The following SDK1 variants were observed in gnomAD, a reference collection of about 807,000 sequenced individuals.
The protein encoded by SDK1 is protein sidekick-1.
Under a neutral mutation model 245.5 loss-of-function variants are expected in SDK1, and 157 were observed. The ratio of observed to expected loss-of-function variants is 0.64; its 90% CI spans 0.56 to 0.73. SDK1 has a LOEUF of 0.73. Among genes scored for constraint, SDK1 ranks in the 30% least tolerant of loss-of-function variants. The pLI is 0.00. For synonymous variants in SDK1, 1,647 were observed against 1,278.5 expected (o/e 1.29, Z -6.15); for missense variants, 3,583 against 3,002.3 (o/e 1.19, Z -4.52).
chr7:4,069,854 C>T (rs1291563586), intron 20 of SDK1, among the ~76,000 whole-genome samples: 1 of 152,178 alleles, frequency 6.6e-6, no homozygotes, highest in Non-Finnish European at 1.5e-5. Flanking sequence ...CGAGGCCTGG[C>T]GATGACAAGG....
chr7:3,470,829 C>A (rs1020625203), intron 1 of SDK1, among the ~76,000 whole-genome samples: 3 of 152,148 alleles, frequency 2.0e-5, no homozygotes. Context: ...AAGCAAATAT[C>A]ATATAAATGC....
intron 1 of SDK1, among the ~76,000 whole-genome samples, chr7:3,311,543 C>G (rs1480392534): frequency 6.6e-6 from 1 of 152,030 alleles, no homozygotes. Context: ...CTTAAAATAC[C>G]TTGGGAATAT....
intron 44 of SDK1, 85 bp from the exon 45 acceptor site, chr7:4,265,039 G>C (rs1488510398): frequency 6.5e-7 from 1 of 1,533,076 alleles, no homozygotes; most frequent in East Asian, 2.4e-5. Context: ...CTGGGGAGGT[G>C]CCCCCACCGC....
intron 13 of SDK1, among the ~76,000 whole-genome samples, chr7:3,984,030 T>G (rs1783623978): frequency 6.6e-6 from 1 of 152,218 alleles, no homozygotes; most frequent in Non-Finnish European, 1.5e-5. Flanking sequence ...GTTTTTAATC[T>G]TTTAAAAAAT....
chr7:4,247,377 G>T (rs2128239685), intron 44 of SDK1, among the ~76,000 whole-genome samples: 1 of 152,350 alleles, frequency 6.6e-6, no homozygotes, highest in South Asian at 2.1e-4. Flanking sequence ...GGCAGAAACA[G>T]CAGGCAGCAA....
chr7:4,040,751 CT>C (rs1788567054), intron 17 of SDK1, among the ~76,000 whole-genome samples: 2 of 152,176 alleles, frequency 1.3e-5, no homozygotes, highest in South Asian at 4.1e-4. Flanking sequence ...ACACCCTAAT[CT>C]TTTATTATGC....
chr7:4,077,288 G>C, intron 21 of SDK1, 99 bp downstream of exon 21: 5 of 1,181,244 alleles, frequency 4.2e-6, no homozygotes, highest in Non-Finnish European at 4.8e-6. Flanking sequence ...GCCACTGAGT[G>C]CCTTGAAAAG....
At chr7:4,187,417 A>G (rs747320296) in intron 35 of SDK1, among the ~76,000 whole-genome samples, 3 of 152,256 alleles carry the variant, frequency 2.0e-5, no homozygotes, top group Non-Finnish European at 2.9e-5. Flanking sequence ...GTCCAATGAC[A>G]TGAACATTTT....
intron 4 of SDK1, among the ~76,000 whole-genome samples, chr7:3,777,010 C>G (rs911929651): frequency 6.6e-6 from 1 of 152,206 alleles, no homozygotes; most frequent in African/African-American, 2.4e-5. Flanking sequence ...CACCTCTCTT[C>G]TGCCCCAGCG....
chr7:3,990,052 C>G (rs879532650), intron 14 of SDK1, among the ~76,000 whole-genome samples: 1 of 152,242 alleles, frequency 6.6e-6, no homozygotes, highest in Non-Finnish European at 1.5e-5. Context: ...TCCTGCACTA[C>G]AGCGGGGCTT....
chr7:4,164,158 A>G (rs558576652), intron 32 of SDK1, among the ~76,000 whole-genome samples: 1 of 152,284 alleles, frequency 6.6e-6, no homozygotes, highest in South Asian at 2.1e-4. Context: ...TTACCAGAGC[A>G]TAGGGGGGCC....
intron 1 of SDK1, among the ~76,000 whole-genome samples, chr7:3,409,055 A>G (rs1779127782): frequency 6.6e-6 from 1 of 152,228 alleles, no homozygotes; most frequent in South Asian, 2.1e-4. Flanking sequence ...AGAATGGCAT[A>G]ACTGTGGTTA....
At chr7:3,916,867 GGATA>G (rs1252727804) in intron 5 of SDK1, among the ~76,000 whole-genome samples, 7 of 152,122 alleles carry the variant, frequency 4.6e-5, no homozygotes, top group Non-Finnish European at 5.9e-5. Context: ...ATGGATGGAT[GGATA>G]GATAGATAAT....
intron 1 of SDK1, among the ~76,000 whole-genome samples, chr7:3,540,701 A>G (rs1463838922): frequency 1.3e-5 from 2 of 152,214 alleles, no homozygotes; most frequent in African/African-American, 4.8e-5. Context: ...AGTCTGTGAC[A>G]CTGGTATCAC....
chr7:3,434,042 G>T (rs1779946155), intron 1 of SDK1, among the ~76,000 whole-genome samples: 1 of 152,172 alleles, frequency 6.6e-6, no homozygotes. Context: ...TTCCATTTGT[G>T]CAGTCAATAG....
chr7:3,478,542 G>A (rs971925029), intron 1 of SDK1, among the ~76,000 whole-genome samples: 10 of 151,736 alleles, frequency 6.6e-5, no homozygotes, highest in African/African-American at 2.4e-4. Context: ...TGCATATTCA[G>A]TTATCACAAA....
At chr7:3,935,843 A>G (rs956261346) in intron 5 of SDK1, among the ~76,000 whole-genome samples, 2 of 152,232 alleles carry the variant, frequency 1.3e-5, no homozygotes, top group African/African-American at 2.4e-5. Flanking sequence ...AGTTCCTCCA[A>G]AAATTAAACG....
intron 1 of SDK1, among the ~76,000 whole-genome samples, chr7:3,522,280 C>T (rs1006471798): frequency 6.6e-6 from 1 of 152,076 alleles, no homozygotes; most frequent in Non-Finnish European, 1.5e-5. Flanking sequence ...AACTGCTTTT[C>T]CTATATGAAT....
chr7:3,460,762 G>A (rs1446028020), intron 1 of SDK1, among the ~76,000 whole-genome samples: 2 of 152,150 alleles, frequency 1.3e-5, no homozygotes, highest in East Asian at 3.8e-4. Context: ...AAAACAGCCA[G>A]CCCAATTGTT....
Sources: gnomAD v4.1 joint callset for allele counts (sites outside exome capture counted in the v4.1 genomes callset) on GRCh38, gnomAD v4.1.1 for gene constraint, MANE v1.5 for transcripts, NCBI Gene and HGNC (gene_info 2026-07-23, HGNC 2026-07-21) for gene names.